CNTN5: variants seen among roughly 807,000 people sequenced by gnomAD.
CNTN5 encodes the protein contactin 5, also known as contactin-5.
A neutral mutation model predicts 129.1 loss-of-function variants in CNTN5; 77 were observed. The observed-to-expected ratio is 0.60, with a 90% confidence interval of 0.50 to 0.72. The LOEUF is 0.72. CNTN5 is among the 30% of genes least tolerant of loss of function. The pLI is 0.00. For missense variants in CNTN5, 1,478 were observed against 1,328.8 expected, an observed-to-expected ratio of 1.11 and a Z score of -1.75; for synonymous variants, 509 against 465.6, an observed-to-expected ratio of 1.09 and a Z score of -1.20.
chr11:100,292,577 T>G (rs1951013446), intron 18 of CNTN5, among the ~76,000 whole-genome samples: 1 of 152,002 alleles, frequency 6.6e-6, no homozygotes, highest in Non-Finnish European at 1.5e-5. Flanking sequence ...GCATCTGAAC[T>G]TCTCTATAGT....
At chr11:99,760,369 C>T (rs1944538315) in intron 3 of CNTN5, among the ~76,000 whole-genome samples, 1 of 151,960 alleles carries the variant, frequency 6.6e-6, no homozygotes, top group South Asian at 2.1e-4. Context: ...GGTTACTTTA[C>T]CTCTCTATAT....
At chr11:99,438,056 C>A (rs980893607) in intron 2 of CNTN5, among the ~76,000 whole-genome samples, 1 of 152,244 alleles carries the variant, frequency 6.6e-6, no homozygotes, top group East Asian at 1.9e-4. Flanking sequence ...TGCTTGTAAA[C>A]TATCATTTTA....
intron 3 of CNTN5, among the ~76,000 whole-genome samples, chr11:99,586,141 GCAAT>G (rs1320095817): frequency 6.6e-6 from 1 of 151,930 alleles, no homozygotes. Flanking sequence ...TGGTTTCTGT[GCAAT>G]CAGTTTTTAT....
chr11:99,915,789 AT>A (rs1451058513), intron 6 of CNTN5, among the ~76,000 whole-genome samples: 3 of 152,174 alleles, frequency 2.0e-5, no homozygotes, highest in African/African-American at 7.2e-5. Flanking sequence ...TAAAAATGCT[AT>A]ACTCCCTAGC....
chr11:100,099,507 A>G (rs901961131), intron 13 of CNTN5, among the ~76,000 whole-genome samples: 5 of 152,078 alleles, frequency 3.3e-5, no homozygotes, highest in Non-Finnish European at 7.4e-5. Flanking sequence ...ACTCTGTTCC[A>G]AAATGGTTTA....
chr11:99,090,537 CAA>C lies in CNTN5; in HGVS notation c.-210+69268_-210+69269del, dbSNP rs200889233. On this transcript the variant is annotated intron_variant, in intron 1 of 24. Transcript: ENST00000524871. ...ATCATGTGATAAAGACAGCTAAATA[CAA>C]TAACAGAACAAAATCCACAAATCCC... 4.6e-3 allele frequency among the ~76,000 whole-genome samples: 706 copies of C among 151,850 alleles called. 7 individuals are homozygous for C. The highest frequency in any genetic ancestry group is 0.016 in the African/African-American group (679 of 41,386).
chr11:99,169,286 C>A (rs1861035261), intron 1 of CNTN5, among the ~76,000 whole-genome samples: 1 of 151,848 alleles, frequency 6.6e-6, no homozygotes, highest in Non-Finnish European at 1.5e-5. Flanking sequence ...TGTAAATAAT[C>A]TAGAGGTCCT....
At chr11:100,143,931 A>T (rs1457152541) in intron 13 of CNTN5, among the ~76,000 whole-genome samples, 1 of 152,110 alleles carries the variant, frequency 6.6e-6, no homozygotes, top group East Asian at 1.9e-4. Context: ...TATTATCCAG[A>T]TGATTCTCAT....
At chr11:100,029,189 AT>A (rs1231823331) in intron 9 of CNTN5, among the ~76,000 whole-genome samples, 3 of 152,140 alleles carry the variant, frequency 2.0e-5, no homozygotes, top group East Asian at 3.9e-4. Context: ...AACTTGAATC[AT>A]GTCTAAGAAA....
chr11:100,171,081 T>TTAAC (rs201462532), intron 13 of CNTN5, among the ~76,000 whole-genome samples: 3,215 of 152,062 alleles, frequency 0.021, 96 homozygotes, highest in African/African-American at 0.074. Context: ...TAAAAGTTGA[T>TTAAC]TGATGTTGAT....
intron 2 of CNTN5, among the ~76,000 whole-genome samples, chr11:99,510,620 T>C (rs1266265630): frequency 6.6e-6 from 1 of 152,138 alleles, no homozygotes; most frequent in Non-Finnish European, 1.5e-5. Context: ...TATATGAGGG[T>C]GCTTCAATAG....
chr11:99,116,216 A>T (rs1858037821), intron 1 of CNTN5, among the ~76,000 whole-genome samples: 2 of 152,134 alleles, frequency 1.3e-5, no homozygotes, highest in South Asian at 4.1e-4. Flanking sequence ...GTGTGAATTG[A>T]TCACTTGCAT....
At chr11:99,298,834 A>T (rs1393123225) in intron 1 of CNTN5, among the ~76,000 whole-genome samples, 2 of 151,856 alleles carry the variant, frequency 1.3e-5, no homozygotes, top group East Asian at 3.9e-4. Flanking sequence ...CCCCCCTCCA[A>T]CCAGAGACAT....
At chr11:99,815,111 A>G (rs1445258960) in intron 3 of CNTN5, among the ~76,000 whole-genome samples, 1 of 152,168 alleles carries the variant, frequency 6.6e-6, no homozygotes, top group Non-Finnish European at 1.5e-5. Context: ...GATTACGGAG[A>G]TTATAATTCA....
At chr11:99,675,440 T>TG (rs2135958178) in intron 3 of CNTN5, among the ~76,000 whole-genome samples, 1 of 152,206 alleles carries the variant, frequency 6.6e-6, no homozygotes, top group African/African-American at 2.4e-5. Flanking sequence ...CCTAGCACTT[T>TG]GGGAGGCCGA....
At chr11:100,226,273 T>G (rs1279284990) in intron 16 of CNTN5, among the ~76,000 whole-genome samples, 1 of 152,164 alleles carries the variant, frequency 6.6e-6, no homozygotes, top group Non-Finnish European at 1.5e-5. Context: ...TTTTAGATTA[T>G]GTATATTTAT....
intron 7 of CNTN5, among the ~76,000 whole-genome samples, chr11:99,929,825 G>A (rs1277684150): frequency 6.6e-6 from 1 of 152,174 alleles, no homozygotes; most frequent in Non-Finnish European, 1.5e-5. Flanking sequence ...CTGGTGGCAA[G>A]TCTGAACAGG....
At chr11:99,494,185 A>G (rs1946140569) in intron 2 of CNTN5, among the ~76,000 whole-genome samples, 1 of 152,150 alleles carries the variant, frequency 6.6e-6, no homozygotes, top group African/African-American at 2.4e-5. Context: ...TAATCGACCA[A>G]ATTTAGAAGT....
chr11:99,625,907 T>C (rs1374986045), intron 3 of CNTN5, among the ~76,000 whole-genome samples: 2 of 42,662 alleles, frequency 4.7e-5, no homozygotes, highest in African/African-American at 6.7e-5. Flanking sequence ...AGATTATATA[T>C]ATATATATAT....
Sources: allele counts gnomAD v4.1 joint callset (sites outside exome capture counted in the v4.1 genomes callset), GRCh38; gene constraint gnomAD v4.1.1; transcripts MANE v1.5; gene names NCBI Gene and HGNC (gene_info 2026-07-23, HGNC 2026-07-21).